Variants in CCDC172 observed in about 807,000 individuals in gnomAD.
CCDC172 encodes the protein coiled-coil domain-containing protein 172.
A neutral mutation model predicts 38.0 loss-of-function variants in CCDC172; 30 were observed. The ratio of observed to expected loss-of-function variants is 0.79; its 90% CI spans 0.59 to 1.07. The LOEUF is 1.07. Ranked by LOEUF, CCDC172 falls within the 50% of genes least tolerant of loss-of-function variation. CCDC172 has a pLI of 0.00. For missense variants in CCDC172, 297 were observed against 290.1 expected (o/e 1.02, Z -0.17); for synonymous variants, 78 against 88.3 (o/e 0.88, Z 0.66).
At chr10:116,371,302 C>A (rs572434519) in intron 7 of CCDC172, among the ~76,000 whole-genome samples, 47 of 151,924 alleles carry the variant, frequency 3.1e-4, no homozygotes, top group African/African-American at 1.1e-3. Flanking sequence ...TGAAGATAAT[C>A]ATATTATTTT....
chr10:116,337,236 C>T (rs1417400460), intron 3 of CCDC172, among the ~76,000 whole-genome samples: 2 of 151,908 alleles, frequency 1.3e-5, no homozygotes, highest in African/African-American at 2.4e-5. Context: ...TCACTGCAAC[C>T]TCTGCCTCCC....
At chr10:116,344,379 T>C (rs763656961) in intron 5 of CCDC172, among the ~76,000 whole-genome samples, 25 of 152,388 alleles carry the variant, frequency 1.6e-4, no homozygotes, top group Admixed American at 5.9e-4. Flanking sequence ...TCAATGTTAC[T>C]ATACTGAAGA....
intron 5 of CCDC172, among the ~76,000 whole-genome samples, chr10:116,347,460 C>T (rs1004002708): frequency 2.6e-5 from 4 of 151,794 alleles, no homozygotes; most frequent in African/African-American, 9.7e-5. Flanking sequence ...GAAGGAAGAG[C>T]AGAAATGGGA....
At position 116,357,636 on chromosome 10, in the gene CCDC172, T is replaced by G. The variant is rs1206208111; in HGVS notation, c.550+155T>G. ...AGATAAAACACTAATCAACGTGAGATCTGATATTTTTAATGTCACAAATTT... is the reference window on the plus strand; with the variant it reads ...AGATAAAACACTAATCAACGTGAGAGCTGATATTTTTAATGTCACAAATTT... On this transcript the variant is annotated intron_variant, in intron 6 of 8. Transcript: ENST00000333254. 3.3e-5 allele frequency among the ~76,000 whole-genome samples: 5 copies of G among 152,040 alleles called. No individual in the cohort carries two copies. In the South Asian group the frequency reaches 1.0e-3, roughly 31 times the overall value.
intron 5 of CCDC172, among the ~76,000 whole-genome samples, chr10:116,350,740 A>G (rs1399181252): frequency 2.6e-5 from 4 of 152,194 alleles, no homozygotes; most frequent in Non-Finnish European, 5.9e-5. Flanking sequence ...TGAGGAAGAC[A>G]ATTCACATGT....
At chr10:116,325,468 A>T (rs1477914614) in intron 3 of CCDC172, 80 bp downstream of exon 3, 2 of 1,093,898 alleles carry the variant, frequency 1.8e-6, no homozygotes, top group Non-Finnish European at 2.7e-6. Flanking sequence ...TTCAGTGTTT[A>T]ACCAGTTGTC....
chr10:116,348,379 C>A (rs1266546558), intron 5 of CCDC172, among the ~76,000 whole-genome samples: 2 of 152,110 alleles, frequency 1.3e-5, no homozygotes, highest in Admixed American at 1.3e-4. Context: ...TTCCTTCATT[C>A]TGACCTTGCC....
At position 116,342,625 on chromosome 10, in the gene CCDC172, C is replaced by G. The variant is rs182966155; in HGVS notation, c.448+424C>G. On this transcript the variant is annotated intron_variant, in intron 5 of 8. Transcript: ENST00000333254. The stretch of plus-strand genomic sequence containing the variant: ...CAGTGGAGTGGAGAGAGTTTTATTT[C>G]AGGAACACTAGTGAAGGTTTGGGTC... 2.0e-5 allele frequency among the ~76,000 whole-genome samples: 3 copies of G among 152,206 alleles called. No homozygotes were observed. In the East Asian group the frequency reaches 5.8e-4, roughly 29 times the overall value.
rs759699313 is a variant in CCDC172, at chr10:116,379,375, C to A, written c.*17C>A. 2 of 1,558,650 alleles carry A rather than the reference C, an allele frequency of 1.3e-6. No homozygotes were observed. The highest frequency in any genetic ancestry group is 8.7e-7 in the Non-Finnish European group (1 of 1,147,584). On this transcript the variant is annotated 3_prime_UTR_variant, in exon 9 of 9. Coordinates refer to ENST00000333254, the MANE Select transcript of CCDC172 (RefSeq NM_198515.3). ...AGCAAATAACTTACAGAGAATTGAT[C>A]AGCCATCTGAGATTTGATCAGAATA...
At chr10:116,370,282 C>T (rs186897942) in intron 7 of CCDC172, among the ~76,000 whole-genome samples, 223 of 151,974 alleles carry the variant, frequency 1.5e-3, no homozygotes, top group African/African-American at 5.0e-3. Context: ...CCCAGTTTAT[C>T]GAATAATTTA....
At position 116,340,734 on chromosome 10, in the gene CCDC172, G is replaced by A. The variant is rs1018903190; in HGVS notation, c.166G>A (p.Val56Ile). The A allele has an allele frequency of 1.3e-6, 2 of 1,500,180 alleles. No homozygotes were observed. Among genetic ancestry groups the A allele is most frequent in the East Asian group, 2.3e-5 (1 of 44,002 alleles). 92.9% of individuals were successfully genotyped at this position (1,500,180 alleles called of 1,614,324 possible). ...NEEKIKLESK[V>I]QQFFEKSFFL... ...TGATTTCTGTTTTTGTACTTTGAAG[G>A]TTCAACAGTTTTTTGAAAAATCCTT... The change falls in exon 4 of 9, where the codon GTT becomes ATT. Residue 56 changes from valine (V) to isoleucine (I), a missense_variant and splice_region_variant. By Grantham distance (29) the Val-to-Ile change is conservative. Coordinates refer to ENST00000333254, the MANE Select transcript of CCDC172 (RefSeq NM_198515.3).
At chr10:116,358,603 C>A (rs909204809) in intron 7 of CCDC172, among the ~76,000 whole-genome samples, 2 of 152,078 alleles carry the variant, frequency 1.3e-5, no homozygotes, top group Non-Finnish European at 2.9e-5. Flanking sequence ...GCAAATGAAG[C>A]CTTCTTTCAC....
intron 7 of CCDC172, among the ~76,000 whole-genome samples, chr10:116,377,933 C>A (rs574027835): frequency 6.6e-6 from 1 of 152,296 alleles, no homozygotes; most frequent in East Asian, 1.9e-4. Flanking sequence ...GTAATCCCAG[C>A]ACTTTGGGAG....
rs1189316758 is a variant in CCDC172, at chr10:116,378,457, G to A, written c.688G>A (p.Asp230Asn). The A allele has an allele frequency of 1.9e-6, 3 of 1,602,256 alleles. No homozygotes were observed. The Admixed American group carries it at 5.2e-5, about 28-fold the overall frequency. Residue 230 changes from aspartate to asparagine, a missense_variant, in exon 8 of 9, where the codon GAC becomes AAC. By Grantham distance (23) the Asp-to-Asn change is conservative. Coordinates refer to ENST00000333254, the MANE Select transcript of CCDC172 (RefSeq NM_198515.3). ...AGAATTAGAACTTTATAAGGAAGAT[G>A]ACATGGAAAGTGTTTATGAAGCTCT... ...KKELELYKED[D>N]MESVYEALQT...
intron 7 of CCDC172, among the ~76,000 whole-genome samples, chr10:116,362,821 A>C (rs1010268658): frequency 1.3e-5 from 2 of 152,156 alleles, no homozygotes; most frequent in African/African-American, 4.8e-5. Context: ...CTTTTCTGGT[A>C]AAACTTCATC....
chr10:116,341,627 T>C (rs1460642502), intron 4 of CCDC172, among the ~76,000 whole-genome samples: 1 of 152,026 alleles, frequency 6.6e-6, no homozygotes, highest in Non-Finnish European at 1.5e-5. Context: ...TGTTTGTTTG[T>C]TTGTTTTCCT....
chr10:116,367,838 CCT>C (rs1180689406), intron 7 of CCDC172, among the ~76,000 whole-genome samples: 2 of 151,616 alleles, frequency 1.3e-5, no homozygotes, highest in African/African-American at 4.9e-5. Flanking sequence ...TTCCCTTTCT[CCT>C]CTCTCTCTCC....
chr10:116,347,211 C>T (rs1844878420), intron 5 of CCDC172, among the ~76,000 whole-genome samples: 1 of 152,114 alleles, frequency 6.6e-6, no homozygotes, highest in Non-Finnish European at 1.5e-5. Flanking sequence ...TTTTCAAAAA[C>T]TTGAGTGAAG....
intron 3 of CCDC172, among the ~76,000 whole-genome samples, chr10:116,335,182 T>C (rs926500130): frequency 6.6e-6 from 1 of 152,082 alleles, no homozygotes; most frequent in African/African-American, 2.4e-5. Context: ...CAATATCTTT[T>C]TCTAATACTT....
Sources: gnomAD v4.1 joint callset for allele counts (sites outside exome capture counted in the v4.1 genomes callset) on GRCh38, gnomAD v4.1.1 for gene constraint, MANE v1.5 for transcripts, NCBI Gene and HGNC (gene_info 2026-07-23, HGNC 2026-07-21) for gene names.